BTNL3: variants seen among roughly 807,000 people sequenced by gnomAD.
BTNL3 encodes the protein butyrophilin like 3.
In BTNL3, 20 loss-of-function variants were observed where a neutral mutation model predicts 40.1. The ratio of observed to expected loss-of-function variants is 0.50; its 90% CI spans 0.35 to 0.72. The LOEUF is 0.72. Ranked by LOEUF, BTNL3 falls within the 30% of genes least tolerant of loss-of-function variation. BTNL3 has a pLI of 0.01. For synonymous variants in BTNL3, 179 were observed against 222.1 expected, an observed-to-expected ratio of 0.81 and a Z score of 1.73; for missense variants, 449 against 582.2, an observed-to-expected ratio of 0.77 and a Z score of 2.35.
rs188726742 is a variant in BTNL3 at position 180,995,337 on chromosome 5, G to T, written c.398-1876G>T. ...TTGATATTTAATTGGTTCTTGGTAT[G>T]ATGGGTAATTTTTAGTTGAAATCTA... On this transcript the variant is annotated intron_variant, in intron 2 of 7. Transcript: ENST00000342868. Among the ~76,000 whole-genome samples the T allele has an allele frequency of 2.5e-4, 34 of 136,690 alleles. 7 individuals carry two copies. Among genetic ancestry groups the T allele is most frequent in the Non-Finnish European group, 4.0e-4 (24 of 59,784 alleles). The allele number at this position is 136,690 out of a possible 152,430, so 89.7% of individuals were successfully genotyped here. A position where few individuals can be genotyped will look rare whatever the true frequency, so the allele number is the denominator to read the frequency against.
intron 3 of BTNL3, 82 bp from the exon 4 acceptor site, chr5:181,002,590 G>C: frequency 8.1e-7 from 1 of 1,232,714 alleles, no homozygotes; most frequent in Non-Finnish European, 1.1e-6. Context: ...TTCATCTTGG[G>C]GTACTGGGGG....
rs554693899 is a variant in BTNL3, at chr5:180,990,712, A to G, written c.49+1635A>G. On this transcript the variant is annotated intron_variant, in intron 1 of 7. Transcript: ENST00000342868. ...GCCCAGCTGACAGGCTGGGTCCCAA[A>G]AGCTGATCTAGAGCAAGGGCCTTTC... Among the ~76,000 whole-genome samples the G allele has an allele frequency of 2.2e-5, 3 of 137,896 alleles. No homozygotes were observed. In the East Asian group the frequency reaches 6.5e-4, roughly 30 times the overall value. The allele number at this position is 137,896 out of a possible 152,430, so 90.5% of individuals were successfully genotyped here.
intron 7 of BTNL3, 77 bp from the exon 8 acceptor site, chr5:181,005,257 G>A (rs1760199725): frequency 6.3e-7 from 1 of 1,589,332 alleles, no homozygotes; most frequent in Non-Finnish European, 8.6e-7. Flanking sequence ...GTCTGCAGTG[G>A]GAGGGTCGAC....
chr5:180,999,575 A>G (rs1760078494), intron 3 of BTNL3, among the ~76,000 whole-genome samples: 1 of 136,854 alleles, frequency 7.3e-6, no homozygotes, highest in Non-Finnish European at 1.7e-5. Flanking sequence ...TGAGGCGGGC[A>G]GATCGCTTGA....
chr5:181,000,058 G>A (rs1268115590), intron 3 of BTNL3, among the ~76,000 whole-genome samples: 2 of 135,580 alleles, frequency 1.5e-5, no homozygotes, highest in African/African-American at 2.5e-5. Flanking sequence ...ACATAATTTT[G>A]GTATCATAAG....
At position 181,001,728 on chromosome 5, in the gene BTNL3, C is replaced by T. The variant is rs1444291757; in HGVS notation, c.674-944C>T. Among the ~76,000 whole-genome samples, 2 of 134,046 alleles carry T rather than the reference C, an allele frequency of 1.5e-5. 1 individual carries two copies. Among genetic ancestry groups the T allele is most frequent in the Admixed American group, 1.6e-4 (2 of 12,526 alleles). The allele number at this position is 134,046 out of a possible 152,430, so 87.9% of individuals were successfully genotyped here. On this transcript the variant is annotated intron_variant, in intron 3 of 7. Transcript: ENST00000342868. The stretch of plus-strand genomic sequence containing the variant: ...GGCGTGGTGGCGGGCGCCTGTAGTC[C>T]CAGCCACTCAGGAGGCTGAGGAAGG...
chr5:181,005,331 C>G lies in BTNL3; in HGVS notation c.863-3C>G. ...GCTTCCTCTCTCCCCCACCGCACCC[C>G]AGTGGAGGTGACTCTGGATCCAGAG... On this transcript the variant is annotated splice_polypyrimidine_tract_variant and splice_region_variant and intron_variant, in intron 7 of 7. Transcript: ENST00000342868. 1 of 1,610,758 alleles carries G rather than the reference C, an allele frequency of 6.2e-7. No homozygotes were observed. Among genetic ancestry groups the G allele is most frequent in the Non-Finnish European group, 8.5e-7 (1 of 1,178,784 alleles).
At chr5:181,002,618 A>C in intron 3 of BTNL3, 54 bp from the exon 4 acceptor site, 1 of 1,411,230 alleles carries the variant, frequency 7.1e-7, no homozygotes, top group South Asian at 1.2e-5. Context: ...AAATGGGCGT[A>C]AAATTGTCTT....
chr5:181,006,069 G>A lies in BTNL3; in HGVS notation c.*197G>A. 2 of 610,406 alleles carry A rather than the reference G, an allele frequency of 3.3e-6. No individual in the cohort carries two copies. The highest frequency in any genetic ancestry group is 5.4e-6 in the Non-Finnish European group (2 of 368,418). The allele number at this position is 610,406 out of a possible 1,614,324, so 37.8% of individuals were successfully genotyped here. ...CGGCAGTCACAGCTTCCAGATGAGG[G>A]GGGATTGGCCTGACCCTGTGGGAGT... On this transcript the variant is annotated 3_prime_UTR_variant, in exon 8 of 8. Transcript: ENST00000342868.
chr5:180,992,375 ACTCCC>A (rs1454566454), intron 1 of BTNL3, among the ~76,000 whole-genome samples: 1 of 136,794 alleles, frequency 7.3e-6, no homozygotes, highest in African/African-American at 2.5e-5. Flanking sequence ...ATGGCCACTT[ACTCCC>A]CTCCTGGGTC....
chr5:181,000,683 G>A (rs1760095716), intron 3 of BTNL3, among the ~76,000 whole-genome samples: 2 of 132,070 alleles, frequency 1.5e-5, no homozygotes, highest in African/African-American at 5.1e-5. Context: ...GCGGGCGCCT[G>A]TAGTCCCAGC....
Position 180,997,119 on chromosome 5 carries a change from G to A in BTNL3, c.398-94G>A, listed in dbSNP as rs924578329. On this transcript the variant is annotated intron_variant, in intron 2 of 7. Coordinates refer to ENST00000342868, the MANE Select transcript of BTNL3 (RefSeq NM_197975.3). Reference sequence around the variant, plus strand: ...GAGAGAGAGAGAGAAAAGGATGTATGTGTGTTATGGGTACAGGCTTGATGA... The same window carrying A: ...GAGAGAGAGAGAGAAAAGGATGTATATGTGTTATGGGTACAGGCTTGATGA... The A allele has an allele frequency of 6.4e-6, 9 of 1,401,898 alleles. 3 individuals carry two copies. Among genetic ancestry groups the A allele is most frequent in the African/African-American group, 4.2e-5 (3 of 71,830 alleles). The allele number at this position is 1,401,898 out of a possible 1,614,324, so 86.8% of individuals were successfully genotyped here. A position where few individuals can be genotyped will look rare whatever the true frequency, so the allele number is the denominator to read the frequency against.
intron 2 of BTNL3, among the ~76,000 whole-genome samples, chr5:180,993,494 G>A (rs1759999542): frequency 7.3e-6 from 1 of 136,778 alleles, no homozygotes; most frequent in South Asian, 2.2e-4. Flanking sequence ...GACTTCTTGT[G>A]TGTTACTAAA....
chr5:180,991,045 G>A (rs1759962857), intron 1 of BTNL3, among the ~76,000 whole-genome samples: 1 of 136,960 alleles, frequency 7.3e-6, no homozygotes, highest in African/African-American at 2.5e-5. Context: ...GAAGCCATCA[G>A]CAGAGAGGCA....
chr5:181,003,827 C>T (rs767820593), intron 4 of BTNL3, 29 bp from the exon 5 acceptor site: 4 of 1,614,076 alleles, frequency 2.5e-6, no homozygotes, highest in Non-Finnish European at 2.5e-6. Flanking sequence ...CTCCTGTGTC[C>T]ACCACTGAAT....
chr5:180,995,630 G>C (rs1024419545), intron 2 of BTNL3, among the ~76,000 whole-genome samples: 1 of 136,980 alleles, frequency 7.3e-6, no homozygotes, highest in African/African-American at 2.5e-5. Context: ...TCTTGTGAGA[G>C]AGGTGATCAT....
Position 181,006,066 on chromosome 5 carries a change from A to AG in BTNL3, c.*200dup. 1.6e-6 allele frequency: 1 copy of AG among 617,380 alleles called. No homozygotes were observed. Among genetic ancestry groups the AG allele is most frequent in the Non-Finnish European group, 2.7e-6 (1 of 374,756 alleles). The allele number at this position is 617,380 out of a possible 1,614,324, so 38.2% of individuals were successfully genotyped here. On this transcript the variant is annotated 3_prime_UTR_variant, in exon 8 of 8. Transcript: ENST00000342868. ...CAGCGGCAGTCACAGCTTCCAGATGAGGGGGGATTGGCCTGACCCTGTGGG... is the reference window on the plus strand; with the variant it reads ...CAGCGGCAGTCACAGCTTCCAGATGAGGGGGGGATTGGCCTGACCCTGTGGG...
At chr5:180,991,831 T>C (rs892484420) in intron 1 of BTNL3, among the ~76,000 whole-genome samples, 8 of 137,122 alleles carry the variant, frequency 5.8e-5, no homozygotes, top group African/African-American at 2.0e-4. Context: ...AGGTAAGCCA[T>C]GTTGATAAAG....
chr5:180,989,267 G>T (rs1235930636), intron 1 of BTNL3, among the ~76,000 whole-genome samples, 190 bp downstream of exon 1: 1 of 136,984 alleles, frequency 7.3e-6, no homozygotes, highest in Admixed American at 7.7e-5. Context: ...AGGAATTGAG[G>T]AAGACTCCTT....
Sources: allele counts gnomAD v4.1 joint callset (sites outside exome capture counted in the v4.1 genomes callset), GRCh38; gene constraint gnomAD v4.1.1; transcripts MANE v1.5; gene names NCBI Gene and HGNC (gene_info 2026-07-23, HGNC 2026-07-21).